The following NELL1 variants were observed in gnomAD, a reference collection of about 807,000 sequenced individuals.
The protein encoded by NELL1 is protein kinase C-binding protein NELL1.
NELL1 carries 76 observed loss-of-function variants against 107.4 expected under a neutral mutation model. The ratio of observed to expected loss-of-function variants is 0.71; its 90% CI spans 0.59 to 0.86. The LOEUF is 0.86. Among genes scored for constraint, NELL1 ranks in the 40% least tolerant of loss-of-function variants. The probability of loss-of-function intolerance (pLI) is 0.00; values close to 1 mark genes in which losing one functional copy is unlikely to be tolerated. For synonymous variants in NELL1, 353 were observed against 341.2 expected (o/e 1.03, Z -0.38); for missense variants, 1,024 against 1,005.5 (o/e 1.02, Z -0.25).
chr11:21,299,088 A>G (rs1052718640), intron 14 of NELL1, among the ~76,000 whole-genome samples: 1 of 152,016 alleles, frequency 6.6e-6, no homozygotes, highest in Admixed American at 6.6e-5. Flanking sequence ...GGAGGAAAGT[A>G]CTTCTCTCCC....
chr11:20,825,023 A>G (rs917754284), intron 3 of NELL1, among the ~76,000 whole-genome samples: 1 of 151,238 alleles, frequency 6.6e-6, no homozygotes, highest in African/African-American at 2.4e-5. Context: ...GGAAAGAAAA[A>G]TGGTTCCCTG....
At chr11:21,175,517 GGTCCA>G (rs1324637764) in intron 13 of NELL1, among the ~76,000 whole-genome samples, 1 of 151,652 alleles carries the variant, frequency 6.6e-6, no homozygotes, top group African/African-American at 2.4e-5. Context: ...ATCCTTAATT[GGTCCA>G]ATTTAGAACT....
At chr11:20,681,737 G>T (rs1590201075) in intron 2 of NELL1, among the ~76,000 whole-genome samples, 1 of 152,094 alleles carries the variant, frequency 6.6e-6, no homozygotes, top group East Asian at 1.9e-4. Context: ...AGATTTATGG[G>T]GCTAAAACCA....
chr11:21,342,213 G>C (rs559220353), intron 14 of NELL1, among the ~76,000 whole-genome samples: 5 of 152,302 alleles, frequency 3.3e-5, no homozygotes, highest in Admixed American at 2.0e-4. Context: ...TGTAAGGAAA[G>C]ATGCCAAAAC....
chr11:21,452,924 G>T (rs1378347279), intron 15 of NELL1, among the ~76,000 whole-genome samples: 1 of 151,450 alleles, frequency 6.6e-6, no homozygotes, highest in African/African-American at 2.4e-5. Context: ...TTTTATTAGT[G>T]AATTATATTG....
intron 15 of NELL1, among the ~76,000 whole-genome samples, chr11:21,507,657 A>G (rs1240559389): frequency 2.0e-5 from 3 of 152,214 alleles, no homozygotes; most frequent in Non-Finnish European, 2.9e-5. Flanking sequence ...TTAGGAAAAG[A>G]ACCACTGAAT....
chr11:21,165,355 T>C (rs1450712536), intron 13 of NELL1, among the ~76,000 whole-genome samples: 1 of 152,200 alleles, frequency 6.6e-6, no homozygotes, highest in Non-Finnish European at 1.5e-5. Context: ...ACTTCAGAAT[T>C]TTTGTATCTA....
chr11:21,242,703 T>C (rs1791867), intron 14 of NELL1, among the ~76,000 whole-genome samples: 147,781 of 152,184 alleles, frequency 0.97, 71,889 homozygotes, highest in East Asian at 1. Context: ...TCTGTTTGAG[T>C]AAACTCATCC....
intron 15 of NELL1, among the ~76,000 whole-genome samples, chr11:21,459,830 G>C (rs1853852714): frequency 6.6e-6 from 1 of 152,032 alleles, no homozygotes; most frequent in African/African-American, 2.4e-5. Flanking sequence ...AAGGATGAAA[G>C]GGCTTTGTAT....
At chr11:21,033,572 CT>C (rs199885575) in intron 12 of NELL1, among the ~76,000 whole-genome samples, 3,625 of 152,080 alleles carry the variant, frequency 0.024, 143 homozygotes, top group African/African-American at 0.082. Flanking sequence ...TGATATCATT[CT>C]TTTTTTATGG....
At chr11:21,000,599 T>C (rs531084094) in intron 12 of NELL1, among the ~76,000 whole-genome samples, 24 of 152,336 alleles carry the variant, frequency 1.6e-4, no homozygotes, top group African/African-American at 5.5e-4. Context: ...GGAGACTCCA[T>C]GGAAAAGAGT....
intron 19 of NELL1, among the ~76,000 whole-genome samples, chr11:21,574,065 G>A (rs1288044826): frequency 1.3e-5 from 2 of 151,796 alleles, no homozygotes; most frequent in African/African-American, 4.8e-5. Context: ...AGCTCATGAA[G>A]AGCTGGAGTG....
chr11:20,741,524 G>A (rs1855889436), intron 2 of NELL1, among the ~76,000 whole-genome samples: 1 of 151,994 alleles, frequency 6.6e-6, no homozygotes, highest in Non-Finnish European at 1.5e-5. Flanking sequence ...GGATAAAAAG[G>A]GCAGAGACAT....
At chr11:21,439,214 G>C (rs1853214923) in intron 15 of NELL1, among the ~76,000 whole-genome samples, 1 of 152,086 alleles carries the variant, frequency 6.6e-6, no homozygotes, top group South Asian at 2.1e-4. Context: ...CAGAAAGTCA[G>C]TGAATATTTA....
At chr11:21,239,430 A>C (rs370600876) in intron 14 of NELL1, among the ~76,000 whole-genome samples, 13 of 151,966 alleles carry the variant, frequency 8.6e-5, no homozygotes, top group African/African-American at 3.1e-4. Context: ...ACATCTACCC[A>C]CCCAAGTGTG....
At chr11:21,502,064 C>T (rs1348613012) in intron 15 of NELL1, among the ~76,000 whole-genome samples, 4 of 152,118 alleles carry the variant, frequency 2.6e-5, no homozygotes, top group African/African-American at 9.7e-5. Context: ...AAGGCAAATC[C>T]TAGTGACCTC....
At chr11:21,027,991 A>C (rs1852859535) in intron 12 of NELL1, among the ~76,000 whole-genome samples, 1 of 152,108 alleles carries the variant, frequency 6.6e-6, no homozygotes, top group African/African-American at 2.4e-5. Context: ...ATTTTATAAA[A>C]AGTTAGGTGT....
chr11:21,511,863 C>T (rs1178199447), intron 15 of NELL1, among the ~76,000 whole-genome samples: 2 of 152,122 alleles, frequency 1.3e-5, no homozygotes, highest in African/African-American at 2.4e-5. Context: ...TTCAAAGCTC[C>T]TACTAAAATC....
chr11:20,957,664 A>T (rs865920690), intron 11 of NELL1, among the ~76,000 whole-genome samples: 27 of 152,158 alleles, frequency 1.8e-4, no homozygotes, highest in African/African-American at 6.0e-4. Flanking sequence ...AAGGAAATTT[A>T]AAAAAATGAA....
Sources: allele counts gnomAD v4.1 joint callset (sites outside exome capture counted in the v4.1 genomes callset), GRCh38; gene constraint gnomAD v4.1.1; transcripts MANE v1.5; gene names NCBI Gene and HGNC (gene_info 2026-07-23, HGNC 2026-07-21).